HDLBP: variants seen among roughly 807,000 people sequenced by gnomAD.
HDLBP encodes vigilin.
Under a neutral mutation model 137.3 loss-of-function variants are expected in HDLBP, and 30 were observed. The ratio of observed to expected loss-of-function variants is 0.22; its 90% CI spans 0.16 to 0.30. The LOEUF (loss-of-function observed/expected upper bound fraction) is 0.30. Among genes scored for constraint, HDLBP ranks in the 10% least tolerant of loss-of-function variants. The pLI is 1.00. For synonymous variants in HDLBP, 606 were observed against 596.0 expected, an observed-to-expected ratio of 1.02 and a Z score of -0.24; for missense variants, 1,119 against 1,667.3, an observed-to-expected ratio of 0.67 and a Z score of 5.73.
intron 11 of HDLBP, among the ~76,000 whole-genome samples, chr2:241,252,439 T>C (rs1192315374): frequency 6.6e-6 from 1 of 152,024 alleles, no homozygotes; most frequent in East Asian, 1.9e-4. Context: ...TAGGCAGAGG[T>C]TGTAGTGAGC....
In HDLBP at chr2:241,294,697, C is replaced by T. The variant is rs116722489; in HGVS notation, c.-103+20873G>A. Among the ~76,000 whole-genome samples, 875 of 152,236 alleles carry T rather than the reference C, an allele frequency of 5.7e-3. 16 individuals carry two copies. The highest frequency in any genetic ancestry group is 0.019 in the African/African-American group (809 of 41,524). On this transcript the variant is annotated intron_variant, in intron 1 of 27. Coordinates refer to ENST00000310931, the MANE Select transcript of HDLBP (RefSeq NM_005336.6). ...AACATGTAAAATTTTAAACAAAACA[C>T]GAGCCTAATTAATTGATCACTAAAT...
chr2:241,303,244 G>A (rs1475180960), intron 1 of HDLBP, among the ~76,000 whole-genome samples: 1 of 152,188 alleles, frequency 6.6e-6, no homozygotes, highest in East Asian at 1.9e-4. Flanking sequence ...AGGAAGAGCT[G>A]CGTCCTGCTG....
chr2:241,297,500 TACAC>T (rs1390686967), intron 1 of HDLBP, among the ~76,000 whole-genome samples: 1 of 152,174 alleles, frequency 6.6e-6, no homozygotes, highest in East Asian at 1.9e-4. Context: ...GTGTTAAAAA[TACAC>T]ACGCATGTAG....
chr2:241,246,524 AGTGCCCAC>A, intron 16 of HDLBP: 2 of 476,128 alleles, frequency 4.2e-6, no homozygotes, highest in Middle Eastern at 5.3e-4. Flanking sequence ...TAATAAGACA[AGTGCCCAC>A]GTCAAATGTT....
Position 241,249,916 on chromosome 2 carries a change from A to C in HDLBP, c.1437T>G (p.Asn479Lys), listed in dbSNP as rs758279727. ...VRIPPDSEKS[N>K]LIRIEGDPQG... is the part of the protein sequence containing the mutation. ...GTGGGTCCCCCTCGATGCGGATCAA[A>C]TTGCTCTTCTCACTGTCAGGAGGGA... is the stretch of plus-strand genomic sequence containing the variant. Residue 479 changes from asparagine (N) to lysine (K), a missense_variant, in exon 12 of 28, where the codon AAT (asparagine) becomes AAG (lysine). Coordinates refer to ENST00000310931, the MANE Select transcript of HDLBP (RefSeq NM_005336.6). 6.2e-7 allele frequency: 1 copy of C among 1,614,150 alleles called. No homozygotes were observed. The highest frequency in any genetic ancestry group is 8.5e-7 in the Non-Finnish European group (1 of 1,179,994).
intron 1 of HDLBP, among the ~76,000 whole-genome samples, chr2:241,274,843 G>A (rs60515663): frequency 0.32 from 48,242 of 151,966 alleles, 8,388 homozygotes; most frequent in East Asian, 0.51. Context: ...AAGTGTGAAC[G>A]TCTGTCTGTG....
chr2:241,260,455 T>C (rs985902590), intron 5 of HDLBP, among the ~76,000 whole-genome samples: 1 of 152,140 alleles, frequency 6.6e-6, no homozygotes, highest in African/African-American at 2.4e-5. Context: ...GAGTCACTGA[T>C]CAACACTGAA....
At chr2:241,299,889 T>C (rs988679950) in intron 1 of HDLBP, among the ~76,000 whole-genome samples, 1 of 149,852 alleles carries the variant, frequency 6.7e-6, no homozygotes, top group Admixed American at 6.8e-5. Context: ...CACTCCAGCC[T>C]GGGGGACAGA....
At chr2:241,253,612 A>G (rs1218662244) in intron 9 of HDLBP, 115 bp from the exon 10 acceptor site, 1 of 708,808 alleles carries the variant, frequency 1.4e-6, no homozygotes, top group Non-Finnish European at 2.5e-6. Context: ...CTTCACATAG[A>G]TGTGAGGGAG....
chr2:241,232,401 G>A (rs1039544335), intron 24 of HDLBP, among the ~76,000 whole-genome samples: 5 of 151,892 alleles, frequency 3.3e-5, no homozygotes, highest in Admixed American at 6.6e-5. Context: ...TCAGTCTCCC[G>A]AGTAGCTGGG....
intron 1 of HDLBP, among the ~76,000 whole-genome samples, chr2:241,291,658 T>C (rs2075016879): frequency 6.6e-6 from 1 of 152,156 alleles, no homozygotes; most frequent in Non-Finnish European, 1.5e-5. Context: ...ATTAGAAAAA[T>C]CTTCACTTTA....
At chr2:241,250,793 CAA>C (rs1373214382) in intron 11 of HDLBP, 4 of 152,380 alleles carry the variant, frequency 2.6e-5, no homozygotes, top group African/African-American at 9.7e-5. Flanking sequence ...CAACACAAGA[CAA>C]GAGAAGCAGA....
chr2:241,303,373 T>C (rs1203817857), intron 1 of HDLBP, among the ~76,000 whole-genome samples: 1 of 151,968 alleles, frequency 6.6e-6, no homozygotes, highest in African/African-American at 2.4e-5. Flanking sequence ...ACCCACACCA[T>C]ACAACAGGAC....
At chr2:241,241,480 T>C (rs1479443725) in intron 17 of HDLBP, among the ~76,000 whole-genome samples, 2 of 140,214 alleles carry the variant, frequency 1.4e-5, no homozygotes, top group African/African-American at 5.4e-5. Context: ...GGCAGGAGAA[T>C]GGCGTGAACC....
At position 241,239,831 on chromosome 2, in the gene HDLBP, A is replaced by G. The variant is rs1159986830; in HGVS notation, c.2392-11T>C. ...TTCCACCACATTATCCTGCAGTGTT[A>G]AGAAGAGATGGAAGATAAGCCACCC... is the stretch of plus-strand genomic sequence containing the variant. On this transcript the variant is annotated splice_polypyrimidine_tract_variant and intron_variant, in intron 18 of 27. Transcript: ENST00000310931. This position sits in a 1 kb window ranked among gnomAD's most constrained non-coding sequence, Gnocchi z 4.6. The G allele has an allele frequency of 1.2e-6, 2 of 1,612,664 alleles. No homozygotes were observed. The highest frequency in any genetic ancestry group is 1.7e-6 in the Non-Finnish European group (2 of 1,178,960).
intron 5 of HDLBP, among the ~76,000 whole-genome samples, chr2:241,258,967 A>G (rs1447956450): frequency 6.6e-6 from 1 of 152,194 alleles, no homozygotes; most frequent in East Asian, 1.9e-4. Context: ...TCTCACTTCT[A>G]GGAATCTATC....
At chr2:241,306,734 C>T (rs1408740865) in intron 1 of HDLBP, among the ~76,000 whole-genome samples, 2 of 151,536 alleles carry the variant, frequency 1.3e-5, no homozygotes, top group African/African-American at 2.4e-5. Context: ...ACGGCAAAAC[C>T]CTATCTCTAC....
chr2:241,280,173 GTTTCCATCCCA>G, intron 1 of HDLBP: 1 of 957,024 alleles, frequency 1.0e-6, no homozygotes, highest in South Asian at 4.8e-5. Flanking sequence ...TCAAAGAAAT[GTTTCCATCCCA>G]TTTGAAAGCT....
intron 16 of HDLBP, among the ~76,000 whole-genome samples, chr2:241,245,066 GAAAA>G (rs138605646): frequency 6.6e-6 from 1 of 151,628 alleles, no homozygotes; most frequent in Non-Finnish European, 1.5e-5. Context: ...CACAATTGAG[GAAAA>G]AAATTACAGT....
Sources: allele counts gnomAD v4.1 joint callset (sites outside exome capture counted in the v4.1 genomes callset), GRCh38; gene constraint gnomAD v4.1.1; non-coding constraint Gnocchi (gnomAD v3.1); transcripts MANE v1.5; gene names NCBI Gene and HGNC (gene_info 2026-07-23, HGNC 2026-07-21).